The following FLNA variants were observed in gnomAD, a reference collection of about 807,000 sequenced individuals.
FLNA encodes the protein filamin A, also known as filamin-A.
Under a neutral mutation model 157.6 loss-of-function variants are expected in FLNA, and 7 were observed. The ratio of observed to expected loss-of-function variants is 0.04; its 90% confidence interval spans 0.03 to 0.08. The LOEUF (loss-of-function observed/expected upper bound fraction) is 0.08. Among genes scored for constraint, FLNA ranks in the 10% least tolerant of loss-of-function variants. The probability of loss-of-function intolerance (pLI) is 1.00; values close to 1 mark genes in which losing one functional copy is unlikely to be tolerated. For synonymous variants in FLNA, 1,103 were observed against 1,060.8 expected (o/e 1.04, Z -0.77); for missense variants, 1,750 against 2,398.4 (o/e 0.73, Z 5.65).
At position 154,367,928 on chromosome X, in the gene FLNA, T is replaced by C; in HGVS notation, c.536A>G (p.Lys179Arg). The change falls in exon 3 of 48, where the codon AAG (lysine) becomes AGG (arginine). Residue 179 changes from lysine (K) to arginine (R), a missense_variant. Physicochemically the swap from Lys to Arg is conservative, Grantham distance 26. This residue lies in a region of FLNA where 71 missense variants were observed against 239.5 expected (regional missense o/e 0.30). Transcript: ENST00000369850. Reference protein sequence around the residue: ...KQRLLGWIQNKLPQLPITNFS... With the variant: ...KQRLLGWIQNRLPQLPITNFS... Reference sequence around the variant, plus strand: ...GTTGGTGATGGGCAGCTGCGGCAGCTTGTTCTGGATCCAGCCCAGGAGCCT... The same window carrying C: ...GTTGGTGATGGGCAGCTGCGGCAGCCTGTTCTGGATCCAGCCCAGGAGCCT... 1 of 1,211,309 alleles carries C rather than the reference T, an allele frequency of 8.3e-7. No individual in the cohort carries two copies.
rs2067592429 is a variant in FLNA at position 154,348,678 on chromosome X, G to A, written c.*171C>T. 6.8e-6 allele frequency: 3 copies of A among 438,023 alleles called. No homozygotes were observed. Among genetic ancestry groups the A allele is most frequent in the Non-Finnish European group, 3.9e-6 (1 of 259,158 alleles). The allele number at this position is 438,023 out of a possible 1,213,427, so 36.1% of individuals were successfully genotyped here. On this transcript the variant is annotated 3_prime_UTR_variant, in exon 48 of 48. Transcript: ENST00000369850. ...CCCTCTGCCCAAGTGAAAGCCGAGAGGTCAGCGGCTGGCTGGGGAGGCAGG... is the reference window on the plus strand; with the variant it reads ...CCCTCTGCCCAAGTGAAAGCCGAGAAGTCAGCGGCTGGCTGGGGAGGCAGG...
In FLNA at chrX:154,371,186, G is replaced by C; in HGVS notation, c.60C>G (p.Gly20=). 1 of 1,194,674 alleles carries C rather than the reference G, an allele frequency of 8.4e-7. No homozygotes were observed. Among genetic ancestry groups the C allele is most frequent in the Non-Finnish European group, 1.1e-6 (1 of 887,595 alleles). The stretch of plus-strand genomic sequence containing the variant: ...GCATCTCGGCGTCCCGCGTGTCGAC[G>C]CCGCCGCCCGGAGCCGCGCCTGCTG... ...QSAAGAAPGG[G]VDTRDAEMPA... The change falls in exon 2 of 48, where the codon GGC becomes GGG. Residue 20 remains glycine (G), a synonymous_variant. Coordinates refer to ENST00000369850, the MANE Select transcript of FLNA (RefSeq NM_001110556.2).
rs782349011 is a variant in FLNA at position 154,359,014 on chromosome X, G to A, written c.4444C>T (p.Pro1482Ser). 2 of 1,211,350 alleles carry A rather than the reference G, an allele frequency of 1.7e-6. No individual in the cohort carries two copies. The highest frequency in any genetic ancestry group is 2.2e-6 in the Non-Finnish European group (2 of 895,459). ...GGCCCTTGCACTTTGACCTGCAATG[G>A]GGCCACACCAGCCTTGCTTGTGTCC... ...QVDTSKAGVAPLQVKVQGPKG... is the reference protein window; with the variant it reads ...QVDTSKAGVASLQVKVQGPKG... The change falls in exon 26 of 48, where the codon CCA becomes TCA. Residue 1482 changes from proline to serine, a missense_variant. Pro to Ser is a moderately conservative substitution (Grantham distance 74). Coordinates refer to ENST00000369850, the MANE Select transcript of FLNA (RefSeq NM_001110556.2).
rs781948684 is a variant in FLNA, at chrX:154,365,210, G to A, written c.1617C>T (p.Gly539=). 5.0e-6 allele frequency: 6 copies of A among 1,211,184 alleles called. No homozygotes were observed. Among genetic ancestry groups the A allele is most frequent in the Non-Finnish European group, 5.6e-6 (5 of 894,985 alleles). ...CAGGGACCATGGGGTAATACTCGAA[G>A]CCATACACGCCATCCCCCAGGTCCT... is the stretch of plus-strand genomic sequence containing the variant. ...KQKDLGDGVY[G]FEYYPMVPGT... is the part of the protein sequence containing the mutation. Residue 539 remains glycine, a synonymous_variant, in exon 11 of 48, where the codon GGC becomes GGT. Transcript: ENST00000369850.
At position 154,364,570 on chromosome X, in the gene FLNA, T is replaced by C. The variant is rs782510387; in HGVS notation, c.1978A>G (p.Met660Val). Residue 660 changes from methionine to valine, a missense_variant, in exon 13 of 48, where the codon ATG becomes GTG. Physicochemically the swap from Met to Val is conservative, Grantham distance 21. Transcript: ENST00000369850. ...TGGGGCGCGTCACGGATGTCAGCCA[T>C]GAAGGGGCTGAGGCGGATGTCTTCG... ...NSEDIRLSPF[M>V]ADIRDAPQDF... 1.2e-5 allele frequency: 14 copies of C among 1,208,511 alleles called. No individual in the cohort carries two copies. The South Asian group carries it at 1.6e-4, about 14-fold the overall frequency.
At chrX:154,350,597 A>G in intron 44 of FLNA, 1 of 381,124 alleles carries the variant, frequency 2.6e-6, no homozygotes, top group Non-Finnish European at 4.7e-6. Flanking sequence ...TCCTACCCAC[A>G]AGGCTGCCCC....
rs1201102357 is a variant in FLNA, at chrX:154,358,800, T to A, written c.4474+184A>T. The A allele has an allele frequency of 4.3e-5, 26 of 604,417 alleles. No homozygotes were observed. The Admixed American group carries it at 6.6e-4, about 15-fold the overall frequency. The allele number at this position is 604,417 out of a possible 1,213,427, so 49.8% of individuals were successfully genotyped here. On this transcript the variant is annotated intron_variant, in intron 26 of 47. Transcript: ENST00000369850. ...CACATCTGCTCAGTGACCAGTCCCATCTGCTCTACCTCCTCCAAGTCCCCC... is the reference window on the plus strand; with the variant it reads ...CACATCTGCTCAGTGACCAGTCCCAACTGCTCTACCTCCTCCAAGTCCCCC...
At chrX:154,355,612 C>T (rs1248234299) in intron 30 of FLNA, among the ~76,000 whole-genome samples, 1 of 113,266 alleles carries the variant, frequency 8.8e-6, no homozygotes, top group African/African-American at 3.2e-5. Context: ...AAAAGCAGCC[C>T]GGTGCAGACA....
In FLNA at chrX:154,365,523, G is replaced by C. The variant is rs781805316; in HGVS notation, c.1430-37C>G. Reference sequence around the variant, plus strand: ...GGGGCCAGCTGAGCACCAGCAGCTCGGCTGGGCGACCCCTCCCTTGCCTCC... The same window carrying C: ...GGGGCCAGCTGAGCACCAGCAGCTCCGCTGGGCGACCCCTCCCTTGCCTCC... On this transcript the variant is annotated intron_variant, in intron 9 of 47. Transcript: ENST00000369850. The C allele has an allele frequency of 5.8e-6, 7 of 1,201,280 alleles. No individual in the cohort carries two copies. In the South Asian group the frequency reaches 8.9e-5, roughly 15 times the overall value.
chrX:154,371,565 T>C (rs1557180378), intron 1 of FLNA, among the ~76,000 whole-genome samples: 1 of 111,503 alleles, frequency 9.0e-6, no homozygotes, highest in Non-Finnish European at 1.9e-5. Flanking sequence ...GGCAGTGGGG[T>C]GGGCAAGGAT....
Position 154,365,908 on chromosome X carries a change from G to A in FLNA, c.1429+116C>T. 6.6e-6 allele frequency: 4 copies of A among 609,842 alleles called. No individual in the cohort carries two copies. In the Admixed American group the frequency reaches 1.4e-4, roughly 21 times the overall value. 50.3% of individuals were successfully genotyped at this position (609,842 alleles called of 1,213,427 possible). On this transcript the variant is annotated intron_variant, in intron 9 of 47. Transcript: ENST00000369850. ...AACAGCATGTGCCCAGACAGTAGAAGCTCAAAGAGTAGGGGCCCCGGGGCG... is the reference window on the plus strand; with the variant it reads ...AACAGCATGTGCCCAGACAGTAGAAACTCAAAGAGTAGGGGCCCCGGGGCG...
At chrX:154,354,116 T>C in intron 34 of FLNA, 35 bp downstream of exon 34, 1 of 1,211,322 alleles carries the variant, frequency 8.3e-7, no homozygotes, top group Non-Finnish European at 1.1e-6. Context: ...TGTGAGGTGG[T>C]GGCGGTGGAG....
At chrX:154,356,035 G>A (rs888262699) in intron 30 of FLNA, among the ~76,000 whole-genome samples, 1 of 112,358 alleles carries the variant, frequency 8.9e-6, no homozygotes, top group African/African-American at 3.2e-5. Context: ...GGCCTGCCGC[G>A]GCCAGGCAGC....
Position 154,364,520 on chromosome X carries a change from C to T in FLNA, c.2022+6G>A. The T allele has an allele frequency of 8.3e-7, 1 of 1,209,330 alleles. No individual in the cohort carries two copies. Among genetic ancestry groups the T allele is most frequent in the African/African-American group, 1.7e-5 (1 of 57,689 alleles). On this transcript the variant is annotated splice_donor_region_variant and intron_variant, in intron 13 of 47. Transcript: ENST00000369850. ...GAGACTTAGGCCATCACAGCCTGCTCTTTACCCTGTCTGGGTGGAAGTCCT... is the reference window on the plus strand; with the variant it reads ...GAGACTTAGGCCATCACAGCCTGCTTTTTACCCTGTCTGGGTGGAAGTCCT...
At position 154,348,774 on chromosome X, in the gene FLNA, G is replaced by A. The variant is rs2067593921; in HGVS notation, c.*75C>T. 1 of 1,048,571 alleles carries A rather than the reference G, an allele frequency of 9.5e-7. No individual in the cohort carries two copies. The allele number at this position is 1,048,571 out of a possible 1,213,427, so 86.4% of individuals were successfully genotyped here. ...GGCGGCCAGGGCGGCCTGGGCCGGGGTTGAGGGGAAGAGGGCGGGGCTGCT... is the reference window on the plus strand; with the variant it reads ...GGCGGCCAGGGCGGCCTGGGCCGGGATTGAGGGGAAGAGGGCGGGGCTGCT... On this transcript the variant is annotated 3_prime_UTR_variant, in exon 48 of 48. Coordinates refer to ENST00000369850, the MANE Select transcript of FLNA (RefSeq NM_001110556.2).
In FLNA at chrX:154,366,849, G is replaced by A; in HGVS notation, c.870C>T (p.Gly290=). Residue 290 remains glycine, a splice_region_variant and synonymous_variant, in exon 6 of 48, where the codon GGC becomes GGT. Coordinates refer to ENST00000369850, the MANE Select transcript of FLNA (RefSeq NM_001110556.2). The part of the protein sequence containing the change: ...NPKKARAYGP[G]IEPTGNMVKK... ...TCACCATGTTGCCTGTGGGCTCGAT[G>A]CCTGGCAGGGGAAGGCGAGCCAACC... 3.3e-6 allele frequency: 4 copies of A among 1,201,867 alleles called. No individual in the cohort carries two copies. Among genetic ancestry groups the A allele is most frequent in the Non-Finnish European group, 4.5e-6 (4 of 886,502 alleles).
intron 21 of FLNA, among the ~76,000 whole-genome samples, chrX:154,361,057 A>G (rs2067703747): frequency 1.2e-5 from 1 of 84,907 alleles, no homozygotes; most frequent in Non-Finnish European, 2.1e-5. Flanking sequence ...AAAAAAAAAA[A>G]AAAAAAAAAA....
At chrX:154,350,839 C>T in intron 44 of FLNA, 70 bp downstream of exon 44, 1 of 1,157,741 alleles carries the variant, frequency 8.6e-7, no homozygotes, top group Non-Finnish European at 1.2e-6. Flanking sequence ...AGAAGCGGTA[C>T]CTTCCTTTTG....
chrX:154,360,599 A>G lies in FLNA; in HGVS notation c.3208-12T>C, dbSNP rs1432559993. The G allele has an allele frequency of 4.0e-5, 47 of 1,181,328 alleles. No homozygotes were observed. Among genetic ancestry groups the G allele is most frequent in the Non-Finnish European group, 4.9e-5 (43 of 877,576 alleles). Reference sequence around the variant, plus strand: ...CCAAACGCCTTCACCTGAGGGAAGAAGGGGTCAGGAGCCAAGGCCACACTA... The same window carrying G: ...CCAAACGCCTTCACCTGAGGGAAGAGGGGGTCAGGAGCCAAGGCCACACTA... On this transcript the variant is annotated splice_polypyrimidine_tract_variant and intron_variant, in intron 21 of 47. Coordinates refer to ENST00000369850, the MANE Select transcript of FLNA (RefSeq NM_001110556.2).
Sources: allele counts gnomAD v4.1 joint callset (sites outside exome capture counted in the v4.1 genomes callset), GRCh38; gene constraint gnomAD v4.1.1; regional missense constraint gnomAD v4.1.1; transcripts MANE v1.5; gene names NCBI Gene and HGNC (gene_info 2026-07-23, HGNC 2026-07-21).